The following INPP4B variants were observed in gnomAD, a reference collection of about 807,000 sequenced individuals.
INPP4B encodes the protein inositol polyphosphate 4-phosphatase type II.
Under a neutral mutation model 122.5 loss-of-function variants are expected in INPP4B, and 55 were observed. That is an observed-to-expected ratio of 0.45 (90% CI 0.36 to 0.56). INPP4B has a LOEUF of 0.56. Ranked by LOEUF, INPP4B falls within the 20% of genes least tolerant of loss-of-function variation. The probability of loss-of-function intolerance (pLI) is 0.00; values close to 1 mark genes in which losing one functional copy is unlikely to be tolerated. For synonymous variants in INPP4B, 403 were observed against 388.7 expected, an observed-to-expected ratio of 1.04 and a Z score of -0.43; for missense variants, 1,000 against 1,097.7, an observed-to-expected ratio of 0.91 and a Z score of 1.26.
intron 2 of INPP4B, among the ~76,000 whole-genome samples, chr4:142,504,878 G>A (rs1425531): frequency 0.35 from 53,297 of 151,836 alleles, 11,828 homozygotes; most frequent in African/African-American, 0.61. Flanking sequence ...ACAAGCAAGT[G>A]TTACCTTGCT....
At chr4:142,511,323 T>C (rs1343918431) in intron 2 of INPP4B, among the ~76,000 whole-genome samples, 2 of 152,250 alleles carry the variant, frequency 1.3e-5, no homozygotes, top group Admixed American at 6.5e-5. Flanking sequence ...AAAATTATTA[T>C]AAAGAGCAGC....
intron 15 of INPP4B, among the ~76,000 whole-genome samples, chr4:142,186,177 C>T (rs1206190164): frequency 2.0e-5 from 3 of 152,102 alleles, no homozygotes; most frequent in African/African-American, 7.2e-5. Context: ...GGAAATATAT[C>T]CTTTCTATAT....
At chr4:142,422,340 G>A (rs1321299220) in intron 5 of INPP4B, among the ~76,000 whole-genome samples, 1 of 152,060 alleles carries the variant, frequency 6.6e-6, no homozygotes, top group Non-Finnish European at 1.5e-5. Context: ...GAGTTGTGGT[G>A]AGAAATTCAT....
intron 2 of INPP4B, among the ~76,000 whole-genome samples, chr4:142,567,276 G>C (rs1731816501): frequency 6.6e-6 from 1 of 152,104 alleles, no homozygotes; most frequent in African/African-American, 2.4e-5. Context: ...ACACAACTGA[G>C]GTCAGGTCAG....
In INPP4B at chr4:142,796,868, ATGTGTGTGTGTGTGTG is replaced by A. The variant is rs34860975; in HGVS notation, c.-254+49325_-254+49340del. Among the ~76,000 whole-genome samples the A allele has an allele frequency of 1.1e-4, 12 of 105,388 alleles. No individual in the cohort carries two copies. In the South Asian group the frequency reaches 1.2e-3, roughly 10 times the overall value. The allele number at this position is 105,388 out of a possible 152,430, so 69.1% of individuals were successfully genotyped here. A position where few individuals can be genotyped will look rare whatever the true frequency, so the allele number is the denominator to read the frequency against. On this transcript the variant is annotated intron_variant, in intron 1 of 25. Coordinates refer to ENST00000262992, the MANE Select transcript of INPP4B (RefSeq NM_001101669.3). ...TCACAGAAACTGATGCGGAAAACAG[ATGTGTGTGTGTGTGTG>A]TGTGTGTGTGTGTGTGTGTGTGTGT...
At chr4:142,538,502 A>G (rs184253136) in intron 2 of INPP4B, among the ~76,000 whole-genome samples, 2 of 152,050 alleles carry the variant, frequency 1.3e-5, no homozygotes, top group East Asian at 1.9e-4. Flanking sequence ...TTTTAAGCAA[A>G]CTCACATTTA....
chr4:142,117,581 A>G (rs1208888261), intron 21 of INPP4B, among the ~76,000 whole-genome samples: 3 of 152,188 alleles, frequency 2.0e-5, no homozygotes, highest in African/African-American at 7.2e-5. Context: ...ATCTCAATAG[A>G]TGCAGAAAAG....
intron 2 of INPP4B, among the ~76,000 whole-genome samples, chr4:142,660,542 G>T (rs1186629181): frequency 6.6e-6 from 1 of 151,998 alleles, no homozygotes; most frequent in East Asian, 1.9e-4. Context: ...TTCCAAACAG[G>T]AAAGAGTTAA....
At chr4:142,150,222 T>A (rs940964855) in intron 17 of INPP4B, among the ~76,000 whole-genome samples, 1 of 152,214 alleles carries the variant, frequency 6.6e-6, no homozygotes, top group Non-Finnish European at 1.5e-5. Context: ...ACAATTAGTT[T>A]CAGATTGCTC....
At chr4:142,317,561 C>T (rs990588088) in intron 7 of INPP4B, 3 of 222,038 alleles carry the variant, frequency 1.4e-5, no homozygotes, top group African/African-American at 4.6e-5. Flanking sequence ...AAGAATTTGT[C>T]CTGTATGGAA....
intron 7 of INPP4B, among the ~76,000 whole-genome samples, chr4:142,395,144 A>T (rs1455292676): frequency 2.0e-5 from 3 of 152,228 alleles, no homozygotes; most frequent in Non-Finnish European, 2.9e-5. Flanking sequence ...GTGAGTGCAG[A>T]TAATAGTAAA....
chr4:142,187,000 G>A (rs1833462978), intron 15 of INPP4B, among the ~76,000 whole-genome samples: 1 of 152,044 alleles, frequency 6.6e-6, no homozygotes, highest in Non-Finnish European at 1.5e-5. Context: ...AAACCTGGTG[G>A]GCAGTTTTGG....
intron 9 of INPP4B, among the ~76,000 whole-genome samples, chr4:142,280,653 T>C (rs1022354902): frequency 1.3e-5 from 2 of 151,976 alleles, no homozygotes; most frequent in Admixed American, 1.3e-4. Context: ...AAAAAGTCAA[T>C]TTTACTCTAT....
chr4:142,212,594 C>T (rs1206419775), intron 12 of INPP4B, among the ~76,000 whole-genome samples: 1 of 152,098 alleles, frequency 6.6e-6, no homozygotes, highest in Non-Finnish European at 1.5e-5. Context: ...TATCTCACAC[C>T]ATCTTTTTTG....
At chr4:142,547,954 T>G (rs951237828) in intron 2 of INPP4B, among the ~76,000 whole-genome samples, 7 of 152,184 alleles carry the variant, frequency 4.6e-5, no homozygotes, top group African/African-American at 1.7e-4. Context: ...ATGTTTTATT[T>G]GAGAGCTTGA....
chr4:142,124,418 T>C (rs1797822117), intron 19 of INPP4B, among the ~76,000 whole-genome samples, 170 bp downstream of exon 19: 1 of 152,176 alleles, frequency 6.6e-6, no homozygotes, highest in Admixed American at 6.5e-5. Flanking sequence ...ATAAACTCTT[T>C]GCTTAGGATA....
intron 7 of INPP4B, among the ~76,000 whole-genome samples, chr4:142,400,449 T>C (rs1801217266): frequency 6.6e-6 from 1 of 152,338 alleles, no homozygotes; most frequent in African/African-American, 2.4e-5. Flanking sequence ...GTTAAGTGCT[T>C]ATAATTATAA....
chr4:142,801,019 T>A (rs575068995), intron 1 of INPP4B, among the ~76,000 whole-genome samples: 68 of 151,554 alleles, frequency 4.5e-4, no homozygotes, highest in Admixed American at 1.4e-3. Context: ...GGAGGAGGAA[T>A]TGTCAAGAGA....
At chr4:142,842,692 A>C (rs1783662586) in intron 1 of INPP4B, among the ~76,000 whole-genome samples, 1 of 128,304 alleles carries the variant, frequency 7.8e-6, no homozygotes, top group South Asian at 2.1e-4. Flanking sequence ...ATATTAATAT[A>C]ATATATAATA....
Sources: gnomAD v4.1 joint callset for allele counts (sites outside exome capture counted in the v4.1 genomes callset) on GRCh38, gnomAD v4.1.1 for gene constraint, MANE v1.5 for transcripts, NCBI Gene and HGNC (gene_info 2026-07-23, HGNC 2026-07-21) for gene names.